The following CFAP206 variants were observed in gnomAD, a reference collection of about 807,000 sequenced individuals.
The protein encoded by CFAP206 is cilia- and flagella-associated protein 206.
CFAP206 carries 53 observed loss-of-function variants against 65.4 expected under a neutral mutation model. That is an observed-to-expected ratio of 0.81 (90% CI 0.65 to 1.02). The LOEUF is 1.02. Among genes scored for constraint, CFAP206 ranks in the 50% least tolerant of loss-of-function variants. The probability of loss-of-function intolerance (pLI) is 0.00; values close to 1 mark genes in which losing one functional copy is unlikely to be tolerated. For synonymous variants in CFAP206, 250 were observed against 254.4 expected (o/e 0.98, Z 0.17); for missense variants, 663 against 753.2 (o/e 0.88, Z 1.40).
At position 87,419,133 on chromosome 6, in the gene CFAP206, G is replaced by GT. The variant is rs549737166; in HGVS notation, c.840+727dup. Reference sequence around the variant, plus strand: ...CAAAAAAACGTTTGTTTTTTTTTTTGTTTTTTTTTTAAATATAGATTGGAG... The same window carrying GT: ...CAAAAAAACGTTTGTTTTTTTTTTTGTTTTTTTTTTTAAATATAGATTGGAG... On this transcript the variant is annotated intron_variant, in intron 7 of 12. Coordinates refer to ENST00000369562, the MANE Select transcript of CFAP206 (RefSeq NM_001031743.3). Among the ~76,000 whole-genome samples the GT allele has an allele frequency of 1.8e-3, 262 of 142,922 alleles. 3 individuals are homozygous for GT. The highest frequency in any genetic ancestry group is 5.1e-3 in the African/African-American group (198 of 38,798). 93.8% of individuals were successfully genotyped at this position (142,922 alleles called of 152,430 possible).
chr6:87,415,902 A>C, intron 5 of CFAP206, 28 bp downstream of exon 5: 2 of 1,400,828 alleles, frequency 1.4e-6, no homozygotes, highest in Non-Finnish European at 1.9e-6. Flanking sequence ...TTTCCATTTC[A>C]TAAGTGAAAA....
intron 10 of CFAP206, among the ~76,000 whole-genome samples, 174 bp from the exon 11 acceptor site, chr6:87,434,686 C>T (rs2038238): frequency 0.25 from 38,529 of 151,618 alleles, 4,966 homozygotes; most frequent in African/African-American, 0.27. Context: ...TTAGTAGAGA[C>T]GGGGTTTCAC....
At position 87,428,783 on chromosome 6, in the gene CFAP206, C is replaced by T. The variant is rs745368981; in HGVS notation, c.1118C>T (p.Ala373Val). Residue 373 changes from alanine to valine, a missense_variant, in exon 9 of 13, where the codon GCG becomes GTG. Coordinates refer to ENST00000369562, the MANE Select transcript of CFAP206 (RefSeq NM_001031743.3). Reference protein sequence around the residue: ...ERVMQCHLNGATVKTDVCRMK... With the variant: ...ERVMQCHLNGVTVKTDVCRMK... ...GTGATGCAATGTCATCTTAATGGAGCGACTGTGAAAACTGATGTGTGTAGA... is the reference window on the plus strand; with the variant it reads ...GTGATGCAATGTCATCTTAATGGAGTGACTGTGAAAACTGATGTGTGTAGA... 4.3e-6 allele frequency: 7 copies of T among 1,614,000 alleles called. No individual in the cohort carries two copies. Among genetic ancestry groups the T allele is most frequent in the South Asian group, 1.1e-5 (1 of 91,064 alleles).
chr6:87,460,580 T>C (rs1214960188), intron 11 of CFAP206, among the ~76,000 whole-genome samples: 2 of 152,010 alleles, frequency 1.3e-5, no homozygotes, highest in Non-Finnish European at 2.9e-5. Flanking sequence ...AAAAATTGGG[T>C]ACACATGGAC....
chr6:87,418,384 C>T lies in CFAP206; in HGVS notation c.808C>T (p.Arg270Ter), dbSNP rs755389407. 16 of 1,613,948 alleles carry T rather than the reference C, an allele frequency of 9.9e-6. No homozygotes were observed. Among genetic ancestry groups the T allele is most frequent in the East Asian group, 2.2e-5 (1 of 44,896 alleles). Residue 270 changes from arginine (R) to a stop codon, truncating the protein, a stop_gained, in exon 7 of 13, where the codon CGA becomes TGA. Coordinates refer to ENST00000369562, the MANE Select transcript of CFAP206 (RefSeq NM_001031743.3). LOFTEE classifies it high-confidence loss of function. ...YMLKEALYNI[R>*]QYEVFLQIIL... ...GTTAAAAGAAGCGCTATATAATATA[C>T]GACAATATGAGGTCTTCCTTCAGAT...
chr6:87,422,209 G>C (rs531230117), intron 7 of CFAP206, among the ~76,000 whole-genome samples: 2 of 152,176 alleles, frequency 1.3e-5, no homozygotes, highest in African/African-American at 4.8e-5. Context: ...AGCACTTTGG[G>C]AGGCCGAGGC....
At chr6:87,456,596 T>C (rs1013340792) in intron 11 of CFAP206, among the ~76,000 whole-genome samples, 1 of 152,192 alleles carries the variant, frequency 6.6e-6, no homozygotes, top group African/African-American at 2.4e-5. Context: ...GCAGATGATA[T>C]GATCTTACAT....
rs185322465 is a variant in CFAP206 at position 87,437,101 on chromosome 6, C to G, written c.1494+2048C>G. 1.8e-4 allele frequency among the ~76,000 whole-genome samples: 27 copies of G among 152,238 alleles called. No homozygotes were observed. The East Asian group carries it at 5.2e-3, about 29-fold the overall frequency. ...TTCTCTGCCTCAGCCTTCTGAGTAG[C>G]TGGGATTACAGGCGTCTGCCAACAT... On this transcript the variant is annotated intron_variant, in intron 11 of 12. Coordinates refer to ENST00000369562, the MANE Select transcript of CFAP206 (RefSeq NM_001031743.3).
chr6:87,423,432 TAGAG>T (rs1408527226), intron 7 of CFAP206, among the ~76,000 whole-genome samples: 3 of 151,012 alleles, frequency 2.0e-5, no homozygotes, highest in Non-Finnish European at 4.4e-5. Context: ...GTACTCTTAG[TAGAG>T]ATGGGGTTTC....
At chr6:87,424,566 C>T (rs561264531) in intron 7 of CFAP206, among the ~76,000 whole-genome samples, 28 of 152,264 alleles carry the variant, frequency 1.8e-4, no homozygotes, top group East Asian at 9.6e-4. Flanking sequence ...CGTGAGCCAC[C>T]GTGCCTGGCC....
intron 11 of CFAP206, among the ~76,000 whole-genome samples, chr6:87,451,566 G>A (rs1768543509): frequency 6.6e-6 from 1 of 152,026 alleles, no homozygotes; most frequent in Non-Finnish European, 1.5e-5. Context: ...CCCAGTACAT[G>A]CTGGCTTCAG....
At chr6:87,451,395 A>G (rs886320733) in intron 11 of CFAP206, among the ~76,000 whole-genome samples, 4 of 152,120 alleles carry the variant, frequency 2.6e-5, no homozygotes, top group South Asian at 4.1e-4. Context: ...TAGTTTGTGG[A>G]TGACATTTCT....
intron 11 of CFAP206, among the ~76,000 whole-genome samples, chr6:87,455,467 G>C (rs2325063): frequency 0.29 from 43,589 of 151,582 alleles, 6,401 homozygotes; most frequent in Admixed American, 0.38. Context: ...GCAAACCACA[G>C]CCAAAATTAG....
chr6:87,417,848 C>T (rs765346504), intron 6 of CFAP206, among the ~76,000 whole-genome samples: 8 of 151,384 alleles, frequency 5.3e-5, no homozygotes, highest in Non-Finnish European at 7.4e-5. Context: ...CTCCGCCTCC[C>T]GGGTTCAAGT....
At chr6:87,448,703 T>A (rs892174657) in intron 11 of CFAP206, among the ~76,000 whole-genome samples, 10 of 152,146 alleles carry the variant, frequency 6.6e-5, no homozygotes, top group African/African-American at 2.2e-4. Flanking sequence ...CCTACTTATA[T>A]GGGCATGATC....
chr6:87,450,324 T>C (rs1768517976), intron 11 of CFAP206, among the ~76,000 whole-genome samples: 1 of 152,158 alleles, frequency 6.6e-6, no homozygotes, highest in Non-Finnish European at 1.5e-5. Flanking sequence ...ATATGAATTT[T>C]AGGATTGTTT....
chr6:87,418,022 G>A (rs1354847265), intron 6 of CFAP206, among the ~76,000 whole-genome samples, 186 bp from the exon 7 acceptor site: 1 of 152,046 alleles, frequency 6.6e-6, no homozygotes, highest in Admixed American at 6.5e-5. Flanking sequence ...ACAGGTGTGA[G>A]CCACCACCCC....
intron 11 of CFAP206, among the ~76,000 whole-genome samples, chr6:87,450,543 C>A (rs1768522855): frequency 7.6e-6 from 1 of 131,288 alleles, no homozygotes; most frequent in Non-Finnish European, 1.6e-5. Context: ...TAGCCACTTA[C>A]CACAAAAAGT....
chr6:87,426,556 G>C lies in CFAP206; in HGVS notation c.871G>C (p.Glu291Gln). The C allele has an allele frequency of 1.3e-6, 2 of 1,594,542 alleles. No homozygotes were observed. The highest frequency in any genetic ancestry group is 1.7e-6 in the Non-Finnish European group (2 of 1,170,380). The stretch of plus-strand genomic sequence containing the variant: ...TATAATTACTGGTGCTCAAGAAGTG[G>C]AAATGATGACAAAACAGTTAGGAGC... ...SDIITGAQEV[E>Q]MMTKQLGAHL... Residue 291 changes from glutamate to glutamine, a missense_variant, in exon 8 of 13, where the codon GAA becomes CAA. Glu to Gln is a conservative substitution (Grantham distance 29). Transcript: ENST00000369562.
Sources: gnomAD v4.1 joint callset for allele counts (sites outside exome capture counted in the v4.1 genomes callset) on GRCh38, gnomAD v4.1.1 for gene constraint, MANE v1.5 for transcripts, NCBI Gene and HGNC (gene_info 2026-07-23, HGNC 2026-07-21) for gene names.